LMTK2: variants seen among roughly 807,000 people sequenced by gnomAD.
LMTK2 encodes lemur tail kinase 2.
In LMTK2, 37 loss-of-function variants were observed where a neutral mutation model predicts 127.5. The ratio of observed to expected loss-of-function variants is 0.29; its 90% CI spans 0.22 to 0.38. The LOEUF (loss-of-function observed/expected upper bound fraction) is 0.38. LMTK2 is among the 10% of genes least tolerant of loss of function. LMTK2 has a pLI of 1.00. For synonymous variants in LMTK2, 819 were observed against 810.1 expected, an observed-to-expected ratio of 1.01 and a Z score of -0.19; for missense variants, 1,694 against 1,920.3, an observed-to-expected ratio of 0.88 and a Z score of 2.20.
Position 98,203,944 on chromosome 7 carries a change from G to A in LMTK2, c.4241G>A (p.Gly1414Asp). 6.2e-7 allele frequency: 1 copy of A among 1,613,640 alleles called. No individual in the cohort carries two copies. The highest frequency in any genetic ancestry group is 1.7e-5 in the Admixed American group (1 of 59,940). The change falls in exon 13 of 14, where the codon GGT becomes GAT. Residue 1414 changes from glycine to aspartate, a missense_variant and splice_region_variant. Transcript: ENST00000297293. The stretch of plus-strand genomic sequence containing the variant: ...GTGGGGTTTTATTTTTTATTTCTAG[G>A]TGGTGGCTTTGAGTGGGATGATGAC... Reference protein sequence around the residue: ...INSESSTDEEGGGFEWDDDFS... With the variant: ...INSESSTDEEDGGFEWDDDFS...
intron 11 of LMTK2, among the ~76,000 whole-genome samples, chr7:98,200,458 A>G (rs764034226): frequency 2.6e-5 from 4 of 152,242 alleles, no homozygotes; most frequent in Non-Finnish European, 5.9e-5. Flanking sequence ...TCGAAAGCAC[A>G]GTATTCTCGG....
chr7:98,193,383 C>G lies in LMTK2; in HGVS notation c.2918C>G (p.Thr973Ser). ...GTGTCTGCCCTCTCCTCGGACTCAA[C>G]CAGTCAGGACAGCCTCCTGGAGGAC... ...GLVSALSSDSTSQDSLLEDSL... is the reference protein window; with the variant it reads ...GLVSALSSDSSSQDSLLEDSL... The change falls in exon 11 of 14, where the codon ACC (threonine) becomes AGC (serine). Residue 973 changes from threonine to serine, a missense_variant. This residue lies in a region of LMTK2 where 527 missense variants were observed against 539.8 expected (regional missense o/e 0.98). Transcript: ENST00000297293. This position sits in a 1 kb window ranked among gnomAD's most constrained non-coding sequence, Gnocchi z 4.1. 1 of 1,614,206 alleles carries G rather than the reference C, an allele frequency of 6.2e-7. No individual in the cohort carries two copies.
chr7:98,155,508 T>A (rs546843854), intron 5 of LMTK2, among the ~76,000 whole-genome samples: 1 of 152,094 alleles, frequency 6.6e-6, no homozygotes, highest in Non-Finnish European at 1.5e-5. Context: ...TGGTCAAACT[T>A]CTGAAAATGA....
chr7:98,196,182 T>A (rs1797619643), intron 11 of LMTK2, among the ~76,000 whole-genome samples: 1 of 148,624 alleles, frequency 6.7e-6, no homozygotes, highest in Non-Finnish European at 1.5e-5. Context: ...GAGTGAGACC[T>A]GTCTCAGAAA....
intron 7 of LMTK2, among the ~76,000 whole-genome samples, chr7:98,183,300 A>G (rs759630730): frequency 6.6e-6 from 1 of 152,204 alleles, no homozygotes; most frequent in Non-Finnish European, 1.5e-5. Flanking sequence ...GAAGCCTGCT[A>G]CCTGGAGTCT....
intron 1 of LMTK2, among the ~76,000 whole-genome samples, chr7:98,119,835 G>C (rs1287017326): frequency 6.6e-6 from 1 of 152,170 alleles, no homozygotes; most frequent in Non-Finnish European, 1.5e-5. Flanking sequence ...AACTTGCAGG[G>C]TGTTTTGTTT....
rs960838264 is a variant in LMTK2, at chr7:98,205,582, C to T, written c.*90C>T. On this transcript the variant is annotated 3_prime_UTR_variant, in exon 14 of 14. Transcript: ENST00000297293. ...AGCCCGAGCAGCGACATCCACTCGCCATTTGCTGACATGAGATTGGGAGGA... is the reference window on the plus strand; with the variant it reads ...AGCCCGAGCAGCGACATCCACTCGCTATTTGCTGACATGAGATTGGGAGGA... 135 of 1,318,562 alleles carry T rather than the reference C, an allele frequency of 1.0e-4. No individual in the cohort carries two copies. The Middle Eastern group carries it at 1.5e-3, about 15-fold the overall frequency. The allele number at this position is 1,318,562 out of a possible 1,614,324, so 81.7% of individuals were successfully genotyped here.
intron 1 of LMTK2, among the ~76,000 whole-genome samples, chr7:98,129,923 A>G (rs528837272): frequency 6.6e-6 from 1 of 152,166 alleles, no homozygotes; most frequent in East Asian, 1.9e-4. Flanking sequence ...GGGAAGGCAT[A>G]TGGGCATTTG....
At chr7:98,176,631 G>A (rs945955977) in intron 7 of LMTK2, among the ~76,000 whole-genome samples, 1 of 152,186 alleles carries the variant, frequency 6.6e-6, no homozygotes, top group African/African-American at 2.4e-5. Flanking sequence ...GATCACTTGA[G>A]GTCAGGAGTT....
intron 8 of LMTK2, among the ~76,000 whole-genome samples, chr7:98,186,429 A>C (rs777593373): frequency 3.9e-5 from 6 of 152,156 alleles, no homozygotes; most frequent in Non-Finnish European, 8.8e-5. Flanking sequence ...AGATCAGGAA[A>C]AAACTTCACA....
chr7:98,174,635 T>C (rs1797249878), intron 7 of LMTK2, among the ~76,000 whole-genome samples: 1 of 152,204 alleles, frequency 6.6e-6, no homozygotes. Context: ...CAGTGACTCA[T>C]GGAGCTGGAG....
intron 2 of LMTK2, among the ~76,000 whole-genome samples, chr7:98,140,111 T>A (rs35223269): frequency 4.4e-5 from 3 of 67,474 alleles, no homozygotes; most frequent in Non-Finnish European, 7.0e-5. Context: ...TCTTTCTTTC[T>A]TTCTTTCTTT....
chr7:98,119,899 G>A (rs1367502023), intron 1 of LMTK2, among the ~76,000 whole-genome samples: 1 of 152,142 alleles, frequency 6.6e-6, no homozygotes, highest in Non-Finnish European at 1.5e-5. Context: ...ATTTTTCTAA[G>A]CTAACTCATT....
intron 8 of LMTK2, among the ~76,000 whole-genome samples, chr7:98,185,433 C>A (rs1275061683): frequency 7.2e-5 from 11 of 152,156 alleles, no homozygotes; most frequent in South Asian, 6.2e-4. Context: ...ACATGAGCAA[C>A]AGTAGTTATT....
At chr7:98,203,763 G>GT (rs869027903) in intron 12 of LMTK2, 57 bp downstream of exon 12, 2 of 1,602,750 alleles carry the variant, frequency 1.2e-6, no homozygotes, top group African/African-American at 2.7e-5. Context: ...TAATGTAAAG[G>GT]TTTTTTGAGG....
At chr7:98,201,566 A>G (rs951371738) in intron 11 of LMTK2, among the ~76,000 whole-genome samples, 20 of 152,008 alleles carry the variant, frequency 1.3e-4, no homozygotes, top group Non-Finnish European at 1.5e-5. Flanking sequence ...CAGTTTGATT[A>G]TGGTGCATCT....
rs1796396006 is a variant in LMTK2 at position 98,123,401 on chromosome 7, A to G, written c.104-13914A>G. 1.3e-5 allele frequency among the ~76,000 whole-genome samples: 2 copies of G among 152,140 alleles called. 1 individual carries two copies. Among genetic ancestry groups the G allele is most frequent in the South Asian group, 4.1e-4 (2 of 4,824 alleles). ...GTTCTTTGGTTAGTTTTTTATGAAC[A>G]CATCATTAATCCGTCCCAGGTGCCT... is the stretch of plus-strand genomic sequence containing the variant. On this transcript the variant is annotated intron_variant, in intron 1 of 13. Coordinates refer to ENST00000297293, the MANE Select transcript of LMTK2 (RefSeq NM_014916.4).
At chr7:98,170,281 A>C (rs1797163533) in intron 6 of LMTK2, among the ~76,000 whole-genome samples, 1 of 152,236 alleles carries the variant, frequency 6.6e-6, no homozygotes, top group South Asian at 2.1e-4. Flanking sequence ...AATGGTGGCA[A>C]CTATTAATAT....
chr7:98,199,666 T>A (rs1797679154), intron 11 of LMTK2, among the ~76,000 whole-genome samples: 1 of 152,296 alleles, frequency 6.6e-6, no homozygotes, highest in South Asian at 2.1e-4. Context: ...AGCTAATTTT[T>A]GTATTTTTTG....
Sources: gnomAD v4.1 joint callset for allele counts (sites outside exome capture counted in the v4.1 genomes callset) on GRCh38, gnomAD v4.1.1 for gene constraint, gnomAD v4.1.1 regional missense constraint, Gnocchi (gnomAD v3.1) non-coding constraint, MANE v1.5 for transcripts, NCBI Gene and HGNC (gene_info 2026-07-23, HGNC 2026-07-21) for gene names.